CA10: variants seen among roughly 807,000 people sequenced by gnomAD.
CA10 encodes carbonic anhydrase-related protein 10.
CA10 carries 14 observed loss-of-function variants against 44.2 expected under a neutral mutation model. The ratio of observed to expected loss-of-function variants is 0.32; its 90% CI spans 0.21 to 0.50. CA10 has a LOEUF of 0.50. Among genes scored for constraint, CA10 ranks in the 20% least tolerant of loss-of-function variants. The probability of loss-of-function intolerance (pLI) is 0.99; values close to 1 mark genes in which losing one functional copy is unlikely to be tolerated. For synonymous variants in CA10, 159 were observed against 141.6 expected (o/e 1.12, Z -0.87); for missense variants, 350 against 409.7 (o/e 0.85, Z 1.26).
chr17:51,816,653 A>G (rs1845923173), intron 3 of CA10, among the ~76,000 whole-genome samples: 1 of 152,236 alleles, frequency 6.6e-6, no homozygotes, highest in Non-Finnish European at 1.5e-5. Context: ...CTATCTCAAA[A>G]TATTATTTTT....
rs547319479 is a variant in CA10, at chr17:51,773,631, C to T, written c.280-25813G>A. Among the ~76,000 whole-genome samples, 31 of 152,344 alleles carry T rather than the reference C, an allele frequency of 2.0e-4. No homozygotes were observed. The East Asian group carries it at 2.7e-3, about 13-fold the overall frequency. ...TTTAACCAGCCCATGCCTCAGTTTA[C>T]CCCTCTGTGAAATAAAGATGAGAAT... On this transcript the variant is annotated intron_variant, in intron 3 of 8. Coordinates refer to ENST00000451037, the MANE Select transcript of CA10 (RefSeq NM_020178.5).
chr17:52,142,658 C>T (rs1008770296), intron 1 of CA10, among the ~76,000 whole-genome samples: 13 of 152,230 alleles, frequency 8.5e-5, no homozygotes, highest in African/African-American at 3.1e-4. Context: ...TTCACTGTCA[C>T]CTACACAATC....
At chr17:51,793,175 G>A (rs556863385) in intron 3 of CA10, among the ~76,000 whole-genome samples, 4 of 152,134 alleles carry the variant, frequency 2.6e-5, no homozygotes, top group Admixed American at 2.0e-4. Context: ...GGAAAATTTC[G>A]CTTTATGGTT....
At chr17:51,644,435 C>T (rs1234616822) in intron 6 of CA10, among the ~76,000 whole-genome samples, 6 of 151,952 alleles carry the variant, frequency 3.9e-5, no homozygotes, top group African/African-American at 7.3e-5. Context: ...GGACATGTCC[C>T]GCCTCTCTTC....
intron 3 of CA10, among the ~76,000 whole-genome samples, chr17:51,819,756 G>A (rs1028643129): frequency 9.2e-5 from 14 of 152,174 alleles, no homozygotes; most frequent in African/African-American, 2.9e-4. Flanking sequence ...CCTAGAACAC[G>A]GAGGGGCTTC....
intron 3 of CA10, among the ~76,000 whole-genome samples, chr17:51,823,085 ATTTTAC>A (rs1467854911): frequency 1.3e-5 from 2 of 152,028 alleles, no homozygotes; most frequent in African/African-American, 2.4e-5. Flanking sequence ...TTATTTACTT[ATTTTAC>A]TTTTGTTTTC....
intron 2 of CA10, among the ~76,000 whole-genome samples, chr17:51,932,745 G>A (rs1417752836): frequency 6.6e-6 from 1 of 151,886 alleles, no homozygotes; most frequent in Non-Finnish European, 1.5e-5. Context: ...GGGCTTCCTC[G>A]GCCCTCTCAT....
intron 3 of CA10, among the ~76,000 whole-genome samples, chr17:51,849,185 A>ATATATATATACATATATGTGTG (rs1978646933): frequency 1.8e-5 from 1 of 54,558 alleles, no homozygotes; most frequent in Non-Finnish European, 3.0e-5. Flanking sequence ...ACATATATGT[A>ATATATATATACATATATGTGTG]TATATATATA....
intron 3 of CA10, among the ~76,000 whole-genome samples, chr17:51,831,301 T>C (rs1908231391): frequency 6.6e-6 from 1 of 152,244 alleles, no homozygotes; most frequent in African/African-American, 2.4e-5. Context: ...TTTTAAATTA[T>C]TGTTTTTTAA....
At chr17:52,063,881 C>T (rs1362166166) in intron 2 of CA10, among the ~76,000 whole-genome samples, 1 of 152,136 alleles carries the variant, frequency 6.6e-6, no homozygotes, top group Non-Finnish European at 1.5e-5. Context: ...GTGTACACAC[C>T]CTCTAGTATG....
intron 3 of CA10, among the ~76,000 whole-genome samples, chr17:51,766,591 C>T (rs549760348): frequency 1.3e-5 from 2 of 152,266 alleles, no homozygotes; most frequent in East Asian, 1.9e-4. Flanking sequence ...GGCAATCTAT[C>T]TATTTGCAGG....
chr17:51,863,234 G>A (rs930604382), intron 3 of CA10, among the ~76,000 whole-genome samples: 18 of 152,168 alleles, frequency 1.2e-4, no homozygotes, highest in South Asian at 8.3e-4. Context: ...CATCGATTCC[G>A]ATAGGACAAG....
At chr17:51,648,236 T>C (rs1319346239) in intron 6 of CA10, among the ~76,000 whole-genome samples, 1 of 152,212 alleles carries the variant, frequency 6.6e-6, no homozygotes, top group Non-Finnish European at 1.5e-5. Context: ...AGCTCCTGGC[T>C]TGGTGAAGGG....
At chr17:52,008,004 T>C (rs976086908) in intron 2 of CA10, among the ~76,000 whole-genome samples, 1 of 151,680 alleles carries the variant, frequency 6.6e-6, no homozygotes, top group Non-Finnish European at 1.5e-5. Flanking sequence ...AATAGTACCA[T>C]AGTTTTATCT....
At chr17:52,021,082 A>AT (rs1986126122) in intron 2 of CA10, among the ~76,000 whole-genome samples, 1 of 151,966 alleles carries the variant, frequency 6.6e-6, no homozygotes, top group African/African-American at 2.4e-5. Flanking sequence ...ATTCCATATA[A>AT]CAAACCTACT....
chr17:51,742,849 G>C (rs561955312), intron 4 of CA10, among the ~76,000 whole-genome samples: 66 of 152,352 alleles, frequency 4.3e-4, no homozygotes, highest in African/African-American at 1.6e-3. Context: ...CTGTCAGAGG[G>C]AGCAGCAAGT....
chr17:52,157,003 A>G (rs1989817104), intron 1 of CA10, among the ~76,000 whole-genome samples: 1 of 151,986 alleles, frequency 6.6e-6, no homozygotes, highest in Non-Finnish European at 1.5e-5. Flanking sequence ...AACCTCTTTC[A>G]CCTCAACACC....
At chr17:51,658,312 CT>C (rs1253438656) in intron 4 of CA10, among the ~76,000 whole-genome samples, 1 of 152,186 alleles carries the variant, frequency 6.6e-6, no homozygotes, top group Non-Finnish European at 1.5e-5. Context: ...CTGAGAAGGT[CT>C]TTGTCCTCCT....
At chr17:52,075,057 A>T (rs1005140562) in intron 1 of CA10, among the ~76,000 whole-genome samples, 1 of 152,336 alleles carries the variant, frequency 6.6e-6, no homozygotes. Context: ...TTGGCCCACA[A>T]AGCCTAAAAT....
Sources: allele counts gnomAD v4.1 joint callset (sites outside exome capture counted in the v4.1 genomes callset), GRCh38; gene constraint gnomAD v4.1.1; transcripts MANE v1.5; gene names NCBI Gene and HGNC (gene_info 2026-07-23, HGNC 2026-07-21).